Variants in CC2D2B observed in about 807,000 individuals in gnomAD.
CC2D2B encodes coiled-coil and C2 domain containing 2B.
A neutral mutation model predicts 161.2 loss-of-function variants in CC2D2B; 128 were observed. The ratio of observed to expected loss-of-function variants is 0.79; its 90% CI spans 0.69 to 0.92. The LOEUF is 0.92. CC2D2B is among the 40% of genes least tolerant of loss of function. CC2D2B has a pLI of 0.00. For synonymous variants in CC2D2B, 391 were observed against 449.8 expected, an observed-to-expected ratio of 0.87 and a Z score of 1.65; for missense variants, 1,173 against 1,375.1, an observed-to-expected ratio of 0.85 and a Z score of 2.32.
chr10:95,981,843 T>C, intron 17 of CC2D2B, 132 bp from the exon 18 acceptor site: 1 of 441,024 alleles, frequency 2.3e-6, no homozygotes, highest in Non-Finnish European at 3.7e-6. Flanking sequence ...TATCCATAAA[T>C]ACAGAGGATG....
At chr10:95,939,368 CTTTA>C (rs1163745349) in intron 9 of CC2D2B, among the ~76,000 whole-genome samples, 4 of 151,996 alleles carry the variant, frequency 2.6e-5, no homozygotes, top group Non-Finnish European at 4.4e-5. Flanking sequence ...TGAAAAATAC[CTTTA>C]TTTATTAACC....
At chr10:95,999,856 G>A in intron 24 of CC2D2B, 1 of 483,256 alleles carries the variant, frequency 2.1e-6, no homozygotes, top group South Asian at 1.8e-5. Context: ...TTCTCTGGGT[G>A]AAGCAGGCTG....
intron 17 of CC2D2B, among the ~76,000 whole-genome samples, chr10:95,977,097 C>T (rs1426350637): frequency 0.013 from 85 of 6,388 alleles, no homozygotes; most frequent in Admixed American, 0.019. Flanking sequence ...TCCAGCTGGG[C>T]GTGGTGGCTC....
chr10:96,009,996 G>A, intron 26 of CC2D2B, 73 bp downstream of exon 26: 2 of 866,388 alleles, frequency 2.3e-6, no homozygotes, highest in Non-Finnish European at 3.8e-6. Flanking sequence ...TGTTGTCTTT[G>A]AATCAGACTC....
intron 9 of CC2D2B, among the ~76,000 whole-genome samples, chr10:95,943,997 A>G (rs2076110929): frequency 6.6e-6 from 1 of 152,096 alleles, no homozygotes; most frequent in Non-Finnish European, 1.5e-5. Flanking sequence ...CCGTTTACCT[A>G]GTATTTTCTC....
chr10:96,031,915 G>A lies in CC2D2B; in HGVS notation c.4221G>A (p.Gln1407=), dbSNP rs760231923. The A allele has an allele frequency of 2.3e-5, 37 of 1,613,652 alleles. No homozygotes were observed. In the Middle Eastern group the frequency reaches 5.0e-4, roughly 22 times the overall value. The change falls in exon 35 of 35, where the codon CAG becomes CAA. Residue 1407 remains glutamine, a synonymous_variant. Coordinates refer to ENST00000646931, the MANE Select transcript of CC2D2B (RefSeq NM_001349008.3). ...QTGIHSAEFP[Q]TEFALAVYIH... is the part of the protein sequence containing the mutation. ...GAATTCACTCTGCTGAATTTCCCCA[G>A]ACAGAATTTGCTTTAGCTGTATACA...
At chr10:95,941,574 C>T (rs1484724609) in intron 9 of CC2D2B, among the ~76,000 whole-genome samples, 1 of 151,978 alleles carries the variant, frequency 6.6e-6, no homozygotes, top group African/African-American at 2.4e-5. Flanking sequence ...GGCCAACAGA[C>T]ATATAAAACA....
rs2079375599 is a variant in CC2D2B, at chr10:96,019,833, T to C, written c.3888+9T>C. 4 of 1,598,176 alleles carry C rather than the reference T, an allele frequency of 2.5e-6. No homozygotes were observed. The highest frequency in any genetic ancestry group is 3.4e-6 in the Non-Finnish European group (4 of 1,175,590). ...AAATACAAAGCATACAGGTAAATCA[T>C]ATTTTCCCAGGGGTGTCTGTATGAG... On this transcript the variant is annotated intron_variant, in intron 32 of 34. Transcript: ENST00000646931.
intron 30 of CC2D2B, among the ~76,000 whole-genome samples, chr10:96,017,215 CCCTA>C (rs2079241026): frequency 2.6e-5 from 4 of 152,196 alleles, no homozygotes; most frequent in Admixed American, 2.6e-4. Flanking sequence ...CTGTTTCTAG[CCCTA>C]CCATGAGTAT....
intron 34 of CC2D2B, among the ~76,000 whole-genome samples, chr10:96,029,312 CTA>C (rs2079964652): frequency 2.0e-5 from 2 of 99,846 alleles, no homozygotes; most frequent in Non-Finnish European, 4.4e-5. Context: ...ATATGTATAT[CTA>C]TATATGTACT....
chr10:95,994,516 ATATCC>A (rs1179018090), intron 22 of CC2D2B, among the ~76,000 whole-genome samples: 3 of 152,178 alleles, frequency 2.0e-5, no homozygotes, highest in Admixed American at 2.0e-4. Flanking sequence ...GGCCTGGATA[ATATCC>A]AGCCTTCCAC....
chr10:96,019,839 C>T lies in CC2D2B; in HGVS notation c.3888+15C>T, dbSNP rs779844578. 19 of 1,596,306 alleles carry T rather than the reference C, an allele frequency of 1.2e-5. No homozygotes were observed. Among genetic ancestry groups the T allele is most frequent in the South Asian group, 1.0e-4 (9 of 87,180 alleles). ...AAAGCATACAGGTAAATCATATTTT[C>T]CCAGGGGTGTCTGTATGAGAGTTAC... is the stretch of plus-strand genomic sequence containing the variant. On this transcript the variant is annotated intron_variant, in intron 32 of 34. Coordinates refer to ENST00000646931, the MANE Select transcript of CC2D2B (RefSeq NM_001349008.3).
chr10:96,012,324 A>T lies in CC2D2B; in HGVS notation c.3185A>T (p.Glu1062Val). 1.4e-6 allele frequency: 1 copy of T among 707,160 alleles called. No homozygotes were observed. 43.8% of individuals were successfully genotyped at this position (707,160 alleles called of 1,614,324 possible). A position where few individuals can be genotyped will look rare whatever the true frequency, so the allele number is the denominator to read the frequency against. ...CTFLNIFATI[E>V]PQISYVTCNP... ...TTCTTAAATATTTTTGCTACCATTG[A>T]ACCTCAAATATCATATGTCACCTGT... Residue 1062 changes from glutamate (E) to valine (V), a missense_variant, in exon 27 of 35, where the codon GAA becomes GTA. By Grantham distance (121) the Glu-to-Val change is moderately radical (BLOSUM62 -2). Transcript: ENST00000646931.
At chr10:95,997,957 A>G (rs140152071) in intron 24 of CC2D2B, among the ~76,000 whole-genome samples, 2 of 152,276 alleles carry the variant, frequency 1.3e-5, no homozygotes, top group East Asian at 3.9e-4. Context: ...AGTATATACA[A>G]TTTCCTTTTG....
chr10:95,954,932 C>T (rs1416784482), intron 10 of CC2D2B, among the ~76,000 whole-genome samples: 1 of 151,946 alleles, frequency 6.6e-6, no homozygotes, highest in Non-Finnish European at 1.5e-5. Flanking sequence ...ATATCTTGTT[C>T]TCTTGATTTT....
At chr10:96,003,277 T>C (rs1025693298) in intron 24 of CC2D2B, among the ~76,000 whole-genome samples, 7 of 151,960 alleles carry the variant, frequency 4.6e-5, no homozygotes, top group Admixed American at 6.6e-5. Context: ...GCTCATGATA[T>C]ACACTACCCT....
intron 2 of CC2D2B, among the ~76,000 whole-genome samples, chr10:95,911,916 G>T (rs771350423): frequency 1.3e-5 from 2 of 152,122 alleles, no homozygotes; most frequent in Non-Finnish European, 2.9e-5. Context: ...ATTTTTTATT[G>T]TCTTGAGGTA....
chr10:95,962,784 A>G (rs2076810236), intron 12 of CC2D2B, among the ~76,000 whole-genome samples: 1 of 142,816 alleles, frequency 7.0e-6, no homozygotes, highest in African/African-American at 2.6e-5. Flanking sequence ...TTTTTTTTTA[A>G]CAAAAGTGCT....
At position 95,968,644 on chromosome 10, in the gene CC2D2B, C is replaced by T. The variant is rs181018346; in HGVS notation, c.1467-80C>T. 1.7e-4 allele frequency: 86 copies of T among 494,008 alleles called. 2 individuals carry two copies. In the East Asian group the frequency reaches 2.9e-3, roughly 17 times the overall value. 30.6% of individuals were successfully genotyped at this position (494,008 alleles called of 1,614,324 possible). On this transcript the variant is annotated intron_variant, in intron 14 of 34. Coordinates refer to ENST00000646931, the MANE Select transcript of CC2D2B (RefSeq NM_001349008.3). The stretch of plus-strand genomic sequence containing the variant: ...CTGAAATTATCTTCTGTTTAACATG[C>T]TAATATACATTTTGAAAGAACAATA...
Sources: allele counts gnomAD v4.1 joint callset (sites outside exome capture counted in the v4.1 genomes callset), GRCh38; gene constraint gnomAD v4.1.1; transcripts MANE v1.5; gene names NCBI Gene and HGNC (gene_info 2026-07-23, HGNC 2026-07-21).